Variants in FBXW8 observed in about 807,000 individuals in gnomAD.
The protein encoded by FBXW8 is F-box/WD repeat-containing protein 8.
FBXW8 carries 57 observed loss-of-function variants against 65.3 expected under a neutral mutation model. That is an observed-to-expected ratio of 0.87 (90% confidence interval 0.71 to 1.09). The LOEUF (loss-of-function observed/expected upper bound fraction) is 1.09. Among genes scored for constraint, FBXW8 ranks in the 50% least tolerant of loss-of-function variants. FBXW8 has a pLI of 0.00. For synonymous variants in FBXW8, 308 were observed against 330.2 expected (o/e 0.93, Z 0.73); for missense variants, 777 against 814.8 (o/e 0.95, Z 0.57).
intron 1 of FBXW8, among the ~76,000 whole-genome samples, chr12:116,916,433 GAC>G (rs1880412815): frequency 6.6e-6 from 1 of 152,184 alleles, no homozygotes; most frequent in Admixed American, 6.5e-5. Context: ...AGATGATAAA[GAC>G]ACATTGGGAA....
intron 7 of FBXW8, among the ~76,000 whole-genome samples, chr12:116,993,216 G>A (rs561188262): frequency 1.4e-5 from 2 of 144,314 alleles, no homozygotes; most frequent in African/African-American, 5.1e-5. Flanking sequence ...CAGTTCTCCA[G>A]CCTTAGCCTC....
rs1012066411 is a variant in FBXW8 at position 117,028,478 on chromosome 12, C to T, written c.*306C>T. On this transcript the variant is annotated 3_prime_UTR_variant, in exon 11 of 11. Coordinates refer to ENST00000652555, the MANE Select transcript of FBXW8 (RefSeq NM_153348.3). The surrounding 1 kb of genome is among the most constrained non-coding windows in gnomAD (Gnocchi z 4.1). The stretch of plus-strand genomic sequence containing the variant: ...AGGGATCTCGCTGCGCGGTCCTATA[C>T]GGTCCCTGCTTAGCCAGCTTCTGTG... 8.7e-5 allele frequency: 29 copies of T among 332,836 alleles called. No homozygotes were observed. In the East Asian group the frequency reaches 9.6e-4, roughly 11 times the overall value. 20.6% of individuals were successfully genotyped at this position (332,836 alleles called of 1,614,324 possible).
chr12:116,941,131 C>G (rs1372678680), intron 2 of FBXW8, among the ~76,000 whole-genome samples: 1 of 152,208 alleles, frequency 6.6e-6, no homozygotes, highest in Non-Finnish European at 1.5e-5. Flanking sequence ...TTCTAACATT[C>G]AGACTGCCTG....
intron 3 of FBXW8, 67 bp from the exon 4 acceptor site, chr12:116,949,551 G>A (rs1883135138): frequency 6.9e-7 from 1 of 1,439,370 alleles, no homozygotes; most frequent in African/African-American, 1.4e-5. Flanking sequence ...AGGTGAAAAA[G>A]CACGATGCTT....
intron 2 of FBXW8, among the ~76,000 whole-genome samples, chr12:116,943,353 T>A (rs1882730130): frequency 1.3e-5 from 2 of 152,368 alleles, no homozygotes; most frequent in South Asian, 4.1e-4. Context: ...TCTTCAGAAT[T>A]TGCTGTTATT....
Position 116,950,182 on chromosome 12 carries a change from GT to G in FBXW8, c.677+487del, listed in dbSNP as rs58249193. The stretch of plus-strand genomic sequence containing the variant: ...TTGTTACTTAAGTTGTCCTGACATT[GT>G]TTTTTTTTTTCTCCATGGCCAACAC... On this transcript the variant is annotated intron_variant, in intron 4 of 10. Transcript: ENST00000652555. The G allele has an allele frequency of 6.3e-3, 929 of 146,414 alleles. 7 individuals carry two copies. Among genetic ancestry groups the G allele is most frequent in the African/African-American group, 0.021 (858 of 40,346 alleles). The allele number at this position is 146,414 out of a possible 1,614,324, so 9.1% of individuals were successfully genotyped here. A position where few individuals can be genotyped will look rare whatever the true frequency, so the allele number is the denominator to read the frequency against.
In FBXW8 at chr12:116,916,865, G is replaced by A. The variant is rs536850228; in HGVS notation, c.318+5510G>A. 1.1e-4 allele frequency among the ~76,000 whole-genome samples: 17 copies of A among 151,732 alleles called. No homozygotes were observed. In the East Asian group the frequency reaches 3.3e-3, roughly 29 times the overall value. On this transcript the variant is annotated intron_variant, in intron 1 of 10. Coordinates refer to ENST00000652555, the MANE Select transcript of FBXW8 (RefSeq NM_153348.3). ...TAGCTGTGGTCACCTAGGCTGCTCT[G>A]CTTCTAGGGGTTGGCTAATTGTGCG...
In FBXW8 at chr12:116,964,835, A is replaced by G; in HGVS notation, c.816A>G (p.Ala272=). 2 of 1,610,876 alleles carry G rather than the reference A, an allele frequency of 1.2e-6. No homozygotes were observed. The highest frequency in any genetic ancestry group is 1.7e-6 in the Non-Finnish European group (2 of 1,178,776). The change falls in exon 5 of 11, where the codon GCA becomes GCG. Residue 272 remains alanine, a synonymous_variant. Transcript: ENST00000652555. ...VSFVRINSSL[A]VAAYEDGFLN... is the part of the protein sequence containing the mutation. Reference sequence around the variant, plus strand: ...TTGTGAGGATAAACAGCTCGTTGGCAGTAGCAGCTTATGAGGATGGTAAGT... The same window carrying G: ...TTGTGAGGATAAACAGCTCGTTGGCGGTAGCAGCTTATGAGGATGGTAAGT...
At chr12:116,922,589 A>G (rs983184161) in intron 1 of FBXW8, among the ~76,000 whole-genome samples, 1 of 152,210 alleles carries the variant, frequency 6.6e-6, no homozygotes, top group East Asian at 1.9e-4. Context: ...ATTAAACAAG[A>G]GAAGACAGAT....
intron 1 of FBXW8, among the ~76,000 whole-genome samples, chr12:116,921,822 CTTTTTTTTTT>C (rs11449832): frequency 3.0e-5 from 3 of 99,346 alleles, no homozygotes; most frequent in African/African-American, 8.0e-5. Flanking sequence ...GTATTTCTGA[CTTTTTTTTTT>C]TTTTTTTTTT....
At chr12:116,953,717 G>A (rs1049561805) in intron 4 of FBXW8, among the ~76,000 whole-genome samples, 2 of 151,484 alleles carry the variant, frequency 1.3e-5, no homozygotes, top group African/African-American at 4.9e-5. Flanking sequence ...AGCTTGCAGT[G>A]AGCCAAGATC....
At chr12:116,933,626 A>G (rs544582005) in intron 2 of FBXW8, among the ~76,000 whole-genome samples, 5 of 152,372 alleles carry the variant, frequency 3.3e-5, no homozygotes, top group African/African-American at 1.2e-4. Context: ...GTTAGAGCAC[A>G]TATATAAGAA....
intron 1 of FBXW8, among the ~76,000 whole-genome samples, chr12:116,920,955 T>C: frequency 6.6e-6 from 1 of 152,198 alleles, no homozygotes; most frequent in East Asian, 1.9e-4. Flanking sequence ...CTCCTCGCCA[T>C]GTCCTAAAGC....
At chr12:116,997,769 C>T (rs1953410286) in intron 7 of FBXW8, among the ~76,000 whole-genome samples, 1 of 152,140 alleles carries the variant, frequency 6.6e-6, no homozygotes, top group Non-Finnish European at 1.5e-5. Flanking sequence ...TATAGCGGCC[C>T]ATGCTGCTTC....
At chr12:116,993,907 T>C (rs1482799152) in intron 7 of FBXW8, among the ~76,000 whole-genome samples, 1 of 152,226 alleles carries the variant, frequency 6.6e-6, no homozygotes, top group African/African-American at 2.4e-5. Context: ...TTTTTATATA[T>C]GGTGAGAGAA....
intron 3 of FBXW8, among the ~76,000 whole-genome samples, chr12:116,947,974 A>G (rs527471796): frequency 4.6e-5 from 7 of 152,276 alleles, no homozygotes; most frequent in South Asian, 4.1e-4. Context: ...CTGCACACAG[A>G]TGCAGGGTTC....
intron 1 of FBXW8, among the ~76,000 whole-genome samples, chr12:116,911,769 G>T (rs932882928): frequency 1.3e-5 from 2 of 152,136 alleles, no homozygotes; most frequent in Admixed American, 1.3e-4. Context: ...TTGAACAAAG[G>T]TTGCCTTTGA....
rs557014521 is a variant in FBXW8, at chr12:116,922,675, C to T, written c.319-5348C>T. On this transcript the variant is annotated intron_variant, in intron 1 of 10. Coordinates refer to ENST00000652555, the MANE Select transcript of FBXW8 (RefSeq NM_153348.3). ...TACATTAGCACATAGGAATACAAAT[C>T]AGCCTCCCTGGGGATGGATCTCTTT... Among the ~76,000 whole-genome samples, 129 of 152,302 alleles carry T rather than the reference C, an allele frequency of 8.5e-4. No homozygotes were observed. In the Middle Eastern group the frequency reaches 0.027, roughly 32 times the overall value.
At chr12:116,953,187 C>T (rs1427898140) in intron 4 of FBXW8, among the ~76,000 whole-genome samples, 9 of 152,214 alleles carry the variant, frequency 5.9e-5, no homozygotes, top group Non-Finnish European at 1.3e-4. Flanking sequence ...AGAGAAATGC[C>T]TATGTCTGTT....
Sources: allele counts gnomAD v4.1 joint callset (sites outside exome capture counted in the v4.1 genomes callset), GRCh38; gene constraint gnomAD v4.1.1; non-coding constraint Gnocchi (gnomAD v3.1); transcripts MANE v1.5; gene names NCBI Gene and HGNC (gene_info 2026-07-23, HGNC 2026-07-21).